TYR: variants seen among roughly 807,000 people sequenced by gnomAD.
The protein encoded by TYR is LB24-AB.
TYR carries 58 observed loss-of-function variants against 51.5 expected under a neutral mutation model. That is an observed-to-expected ratio of 1.13 (90% CI 0.91 to 1.40). The LOEUF is 1.40. TYR is among the 40% of genes most tolerant of loss of function. The pLI, the probability that TYR is intolerant of heterozygous loss-of-function variation, is 0.00. For synonymous variants in TYR, 263 were observed against 235.2 expected (o/e 1.12, Z -1.08); for missense variants, 732 against 647.4 (o/e 1.13, Z -1.42).
intron 3 of TYR, among the ~76,000 whole-genome samples, chr11:89,259,848 A>C (rs1202678084): frequency 6.6e-6 from 1 of 152,138 alleles, no homozygotes. Flanking sequence ...GTTATACTGA[A>C]TCTATCTTAA....
chr11:89,243,947 C>T (rs1438819803), intron 3 of TYR, among the ~76,000 whole-genome samples: 2 of 151,892 alleles, frequency 1.3e-5, no homozygotes, highest in Non-Finnish European at 2.9e-5. Flanking sequence ...TATTCAAACG[C>T]AAATATATCT....
intron 3 of TYR, among the ~76,000 whole-genome samples, chr11:89,260,427 A>C (rs1348958923): frequency 2.0e-5 from 3 of 152,104 alleles, no homozygotes; most frequent in African/African-American, 7.2e-5. Flanking sequence ...CTGAAAGAAA[A>C]TATTGTGACC....
chr11:89,203,655 G>A lies in TYR; in HGVS notation c.1036+12237G>A, dbSNP rs148950146. On this transcript the variant is annotated intron_variant, in intron 2 of 4. Transcript: ENST00000263321. ...TCAGCTAGGAATATTGGGATCTCAC[G>A]GTATGATGGTGAGTCCCCTGGGTTT... Among the ~76,000 whole-genome samples the A allele has an allele frequency of 1.0e-3, 154 of 152,172 alleles. 1 individual carries two copies. The highest frequency in any genetic ancestry group is 3.6e-3 in the African/African-American group (149 of 41,542).
At chr11:89,241,129 A>G (rs1944187865) in intron 3 of TYR, among the ~76,000 whole-genome samples, 1 of 152,224 alleles carries the variant, frequency 6.6e-6, no homozygotes, top group South Asian at 2.1e-4. Flanking sequence ...AGCAAAGCTG[A>G]TGGTGTCTGT....
rs104894315 is a variant in TYR, at chr11:89,227,932, C to T, written c.1146C>T (p.Asn382=). 4.5e-5 allele frequency: 72 copies of T among 1,613,384 alleles called. No individual in the cohort carries two copies. In the South Asian group the frequency reaches 5.2e-4, roughly 12 times the overall value. ...TGTCCCAGGTACAGGGATCTGCCAA[C>T]GATCCTATCTTCCTTCTTCACCATG... is the stretch of plus-strand genomic sequence containing the variant. ...GTMSQVQGSA[N]DPIFLLHHAF... is the part of the protein sequence containing the mutation. The change falls in exon 3 of 5, where the codon AAC becomes AAT. Residue 382 remains asparagine, a synonymous_variant. Coordinates refer to ENST00000263321, the MANE Select transcript of TYR (RefSeq NM_000372.5).
intron 2 of TYR, among the ~76,000 whole-genome samples, chr11:89,216,599 G>T (rs1943835289): frequency 7.3e-6 from 1 of 136,422 alleles, no homozygotes; most frequent in South Asian, 2.3e-4. Context: ...GTCGCAGTGA[G>T]CCGAGATCGC....
At chr11:89,293,495 T>A (rs1166889770) in intron 4 of TYR, among the ~76,000 whole-genome samples, 3 of 152,030 alleles carry the variant, frequency 2.0e-5, no homozygotes, top group African/African-American at 7.3e-5. Flanking sequence ...TATGAATACG[T>A]TCATAGAAGA....
At chr11:89,211,334 A>G (rs1285264633) in intron 2 of TYR, among the ~76,000 whole-genome samples, 1 of 152,176 alleles carries the variant, frequency 6.6e-6, no homozygotes, top group East Asian at 1.9e-4. Context: ...TTAAACTAAC[A>G]AAAATCAAAA....
At chr11:89,264,236 A>G (rs963097197) in intron 3 of TYR, among the ~76,000 whole-genome samples, 2 of 152,080 alleles carry the variant, frequency 1.3e-5, no homozygotes, top group Admixed American at 1.3e-4. Flanking sequence ...TAATTTCAAT[A>G]TGTAAAACAG....
rs376262914 is a variant in TYR at position 89,220,611 on chromosome 11, G to T, written c.1037-7212G>T. 6.6e-5 allele frequency among the ~76,000 whole-genome samples: 10 copies of T among 152,230 alleles called. No individual in the cohort carries two copies. The East Asian group carries it at 1.9e-3, about 29-fold the overall frequency. On this transcript the variant is annotated intron_variant, in intron 2 of 4. Coordinates refer to ENST00000263321, the MANE Select transcript of TYR (RefSeq NM_000372.5). The stretch of plus-strand genomic sequence containing the variant: ...TCTTTACAGAGTTACTACGAAGATA[G>T]CCGGGCGTGGCGGGTGCCTGTAATC...
intron 2 of TYR, among the ~76,000 whole-genome samples, chr11:89,196,834 C>T (rs1324404695): frequency 6.6e-6 from 1 of 152,132 alleles, no homozygotes; most frequent in Non-Finnish European, 1.5e-5. Flanking sequence ...GTTCTTTAGG[C>T]TAAACCAAAA....
At chr11:89,202,862 T>C (rs1025425514) in intron 2 of TYR, among the ~76,000 whole-genome samples, 4 of 152,156 alleles carry the variant, frequency 2.6e-5, no homozygotes, top group Non-Finnish European at 5.9e-5. Flanking sequence ...TATACTTCTC[T>C]TCATTGCAAG....
At chr11:89,222,341 C>T (rs531426143) in intron 2 of TYR, among the ~76,000 whole-genome samples, 65 of 152,194 alleles carry the variant, frequency 4.3e-4, no homozygotes, top group Non-Finnish European at 6.0e-4. Context: ...ATCTGAATCT[C>T]TAGGTATGAG....
chr11:89,253,823 C>A (rs1944357860), intron 3 of TYR, among the ~76,000 whole-genome samples: 1 of 151,760 alleles, frequency 6.6e-6, no homozygotes, highest in South Asian at 2.1e-4. Flanking sequence ...TTATTTATTT[C>A]TCTTGTCTGA....
chr11:89,233,180 CA>C (rs746480926), intron 3 of TYR, among the ~76,000 whole-genome samples: 1 of 143,328 alleles, frequency 7.0e-6, no homozygotes, highest in Non-Finnish European at 1.5e-5. Context: ...ACAGTATCTT[CA>C]CCAGGAGTAG....
chr11:89,235,154 T>C (rs1944094846), intron 3 of TYR, among the ~76,000 whole-genome samples: 1 of 152,132 alleles, frequency 6.6e-6, no homozygotes, highest in Non-Finnish European at 1.5e-5. Flanking sequence ...CTTGTTCAAA[T>C]ACCTCTTATC....
chr11:89,178,839 G>T (rs922459500), intron 1 of TYR, 67 bp downstream of exon 1: 5 of 1,537,602 alleles, frequency 3.3e-6, no homozygotes, highest in South Asian at 1.1e-5. Flanking sequence ...TTCAGGCAGG[G>T]TATAAACTTC....
Position 89,178,544 on chromosome 11 carries a change from C to T in TYR, c.591C>T (p.Asp197=), listed in dbSNP as rs767539316. The change falls in exon 1 of 5, where the codon GAC becomes GAT. Residue 197 remains aspartate (D), a synonymous_variant. Coordinates refer to ENST00000263321, the MANE Select transcript of TYR (RefSeq NM_000372.5). ...TTGGGGGATCTGAAATCTGGAGAGA[C>T]ATTGATTTTGCCCATGAAGCACCAG... ...ALLGGSEIWR[D]IDFAHEAPAF... is the part of the protein sequence containing the mutation. 2 of 1,614,012 alleles carry T rather than the reference C, an allele frequency of 1.2e-6. No individual in the cohort carries two copies. Among genetic ancestry groups the T allele is most frequent in the African/African-American group, 2.7e-5 (2 of 74,910 alleles).
intron 3 of TYR, among the ~76,000 whole-genome samples, chr11:89,279,585 C>A (rs1162786979): frequency 6.6e-6 from 1 of 151,716 alleles, no homozygotes; most frequent in Non-Finnish European, 1.5e-5. Context: ...TCTCCCATGT[C>A]ATATAAAACT....
Sources: allele counts gnomAD v4.1 joint callset (sites outside exome capture counted in the v4.1 genomes callset), GRCh38; gene constraint gnomAD v4.1.1; transcripts MANE v1.5; gene names NCBI Gene and HGNC (gene_info 2026-07-23, HGNC 2026-07-21).